The following RBFOX1 variants were observed in gnomAD, a reference collection of about 807,000 sequenced individuals.
The protein encoded by RBFOX1 is RNA binding protein fox-1 homolog 1.
In RBFOX1, 8 loss-of-function variants were observed where a neutral mutation model predicts 57.7. The ratio of observed to expected loss-of-function variants is 0.14; its 90% CI spans 0.08 to 0.25. The LOEUF (loss-of-function observed/expected upper bound fraction) is 0.25. Among genes scored for constraint, RBFOX1 ranks in the 10% least tolerant of loss-of-function variants. The pLI is 1.00. For missense variants in RBFOX1, 611 were observed against 548.5 expected (o/e 1.11, Z -1.14); for synonymous variants, 326 against 222.4 (o/e 1.47, Z -4.15).
chr16:5,292,903 G>A (rs1209368940), intron 1 of RBFOX1, among the ~76,000 whole-genome samples: 1 of 152,104 alleles, frequency 6.6e-6, no homozygotes, highest in South Asian at 2.1e-4. Context: ...GATTACACGT[G>A]TGAGCCACTG....
At chr16:6,110,451 A>G (rs985519062) in intron 1 of RBFOX1, among the ~76,000 whole-genome samples, 6 of 152,148 alleles carry the variant, frequency 3.9e-5, no homozygotes, top group Admixed American at 2.6e-4. Context: ...ATCCTGCACA[A>G]ACACAATTGA....
intron 3 of RBFOX1, among the ~76,000 whole-genome samples, chr16:5,839,529 G>T (rs533232052): frequency 7.2e-5 from 11 of 152,262 alleles, no homozygotes; most frequent in African/African-American, 2.6e-4. Context: ...ACATTAACCT[G>T]AAGTGCTCTG....
chr16:7,057,540 C>A (rs919797407), intron 4 of RBFOX1, among the ~76,000 whole-genome samples: 2 of 152,158 alleles, frequency 1.3e-5, no homozygotes, highest in Non-Finnish European at 2.9e-5. Flanking sequence ...TCAGTGCATC[C>A]TCGTTACAAA....
chr16:6,539,667 C>T (rs1309290163), intron 2 of RBFOX1, among the ~76,000 whole-genome samples: 2 of 151,878 alleles, frequency 1.3e-5, no homozygotes. Context: ...GCCTGGTGGC[C>T]AGCACCTGTA....
intron 1 of RBFOX1, among the ~76,000 whole-genome samples, chr16:6,280,668 A>G (rs977740198): frequency 6.6e-6 from 1 of 152,112 alleles, no homozygotes; most frequent in African/African-American, 2.4e-5. Context: ...TAATTAAGAT[A>G]GGGAAATTAT....
chr16:6,277,619 T>A (rs1045053058), intron 1 of RBFOX1, among the ~76,000 whole-genome samples: 15 of 149,594 alleles, frequency 1.0e-4, no homozygotes, highest in Non-Finnish European at 1.8e-4. Context: ...TGAGCCGTGA[T>A]TGCACCACGG....
chr16:5,976,433 C>T (rs1158438885), intron 4 of RBFOX1, among the ~76,000 whole-genome samples: 1 of 152,150 alleles, frequency 6.6e-6, no homozygotes, highest in Non-Finnish European at 1.5e-5. Flanking sequence ...CCTTAGAACC[C>T]CTTTTGTTTT....
intron 1 of RBFOX1, among the ~76,000 whole-genome samples, chr16:6,269,111 A>G (rs10468327): frequency 0.028 from 4,280 of 152,288 alleles, 166 homozygotes; most frequent in African/African-American, 0.088. Context: ...TATGTCAGCA[A>G]GAGGGACAAC....
intron 3 of RBFOX1, among the ~76,000 whole-genome samples, chr16:6,997,647 C>T (rs1453309343): frequency 1.3e-5 from 2 of 152,118 alleles, no homozygotes; most frequent in African/African-American, 4.8e-5. Context: ...AAGGGTCTTT[C>T]TCTTTGTCAG....
chr16:5,321,348 C>G (rs2064400059), intron 1 of RBFOX1, among the ~76,000 whole-genome samples: 2 of 148,288 alleles, frequency 1.3e-5, no homozygotes, highest in South Asian at 2.1e-4. Context: ...GAGATGGAGT[C>G]TCGCTTTGTC....
In RBFOX1 at chr16:6,172,239, C is replaced by G. The variant is rs150273923; in HGVS notation, c.-126-144756C>G. Among the ~76,000 whole-genome samples the G allele has an allele frequency of 3.9e-5, 6 of 152,300 alleles. No individual in the cohort carries two copies. The East Asian group carries it at 7.7e-4, about 20-fold the overall frequency. On this transcript the variant is annotated intron_variant, in intron 1 of 15. Coordinates refer to ENST00000550418, the MANE Select transcript of RBFOX1 (RefSeq NM_018723.4). The stretch of plus-strand genomic sequence containing the variant: ...TTGCAGCCTGTGAGCTAAGATGTCA[C>G]TTGCAATCGTGTAGGGAGAGTGGGC...
intron 3 of RBFOX1, among the ~76,000 whole-genome samples, chr16:6,694,307 C>A (rs1379483637): frequency 6.6e-6 from 1 of 152,148 alleles, no homozygotes; most frequent in Non-Finnish European, 1.5e-5. Context: ...TTTATCTTGA[C>A]AAACAATTTA....
chr16:7,455,277 A>G (rs187407607), intron 4 of RBFOX1, among the ~76,000 whole-genome samples: 166 of 152,258 alleles, frequency 1.1e-3, no homozygotes, highest in African/African-American at 3.9e-3. Flanking sequence ...TTCCTTGGAT[A>G]CATCACCCTC....
chr16:6,523,912 T>G (rs547007272), intron 2 of RBFOX1, among the ~76,000 whole-genome samples: 1 of 152,290 alleles, frequency 6.6e-6, no homozygotes, highest in African/African-American at 2.4e-5. Context: ...ATGGGATGCA[T>G]GAGACATTTT....
chr16:5,957,606 G>C (rs964784022), intron 4 of RBFOX1, among the ~76,000 whole-genome samples: 3 of 152,172 alleles, frequency 2.0e-5, no homozygotes, highest in Non-Finnish European at 2.9e-5. Context: ...CTCTCAGCAA[G>C]TAATCTTCAA....
chr16:6,831,360 T>C (rs1347498931), intron 3 of RBFOX1, among the ~76,000 whole-genome samples: 1 of 152,228 alleles, frequency 6.6e-6, no homozygotes, highest in Admixed American at 6.5e-5. Flanking sequence ...ACGTATTTTC[T>C]AGATTTTACT....
chr16:6,068,951 C>T (rs1303440918), intron 1 of RBFOX1, among the ~76,000 whole-genome samples: 1 of 151,970 alleles, frequency 6.6e-6, no homozygotes, highest in Non-Finnish European at 1.5e-5. Context: ...GGCAAGACAG[C>T]TTTTCTTTTG....
At chr16:6,393,916 T>C (rs900409700) in intron 2 of RBFOX1, among the ~76,000 whole-genome samples, 1 of 152,288 alleles carries the variant, frequency 6.6e-6, no homozygotes, top group Admixed American at 6.5e-5. Flanking sequence ...AATTATGATC[T>C]CTCTCTGGAA....
At chr16:7,107,924 A>G (rs2063903173) in intron 4 of RBFOX1, among the ~76,000 whole-genome samples, 1 of 151,852 alleles carries the variant, frequency 6.6e-6, no homozygotes, top group Admixed American at 6.6e-5. Context: ...GACTTGAAAA[A>G]GGCAGAGTTT....
Sources: gnomAD v4.1 joint callset for allele counts (sites outside exome capture counted in the v4.1 genomes callset) on GRCh38, gnomAD v4.1.1 for gene constraint, MANE v1.5 for transcripts, NCBI Gene and HGNC (gene_info 2026-07-23, HGNC 2026-07-21) for gene names.